The following IGF2BP1 variants were observed in gnomAD, a reference collection of about 807,000 sequenced individuals.
IGF2BP1 encodes the protein insulin-like growth factor 2 mRNA-binding protein 1.
A neutral mutation model predicts 74.9 loss-of-function variants in IGF2BP1; 11 were observed. The ratio of observed to expected loss-of-function variants is 0.15; its 90% CI spans 0.09 to 0.24. The LOEUF (loss-of-function observed/expected upper bound fraction) is 0.24. Among genes scored for constraint, IGF2BP1 ranks in the 10% least tolerant of loss-of-function variants. The probability of loss-of-function intolerance (pLI) is 1.00; values close to 1 mark genes in which losing one functional copy is unlikely to be tolerated. For missense variants in IGF2BP1, 440 were observed against 757.4 expected (o/e 0.58, Z 4.92); for synonymous variants, 287 against 281.8 (o/e 1.02, Z -0.18).
chr17:49,016,937 C>A (rs1457293610), intron 2 of IGF2BP1, among the ~76,000 whole-genome samples: 1 of 151,146 alleles, frequency 6.6e-6, no homozygotes, highest in Non-Finnish European at 1.5e-5. Context: ...TTCTCAGCTA[C>A]TGCCATCCTG....
Position 49,045,997 on chromosome 17 carries a change from G to A in IGF2BP1, c.1503G>A (p.Arg501=). 1.2e-6 allele frequency: 2 copies of A among 1,614,166 alleles called. No individual in the cohort carries two copies. The highest frequency in any genetic ancestry group is 1.7e-6 in the Non-Finnish European group (2 of 1,180,044). The change falls in exon 13 of 15, where the codon CGG becomes CGA. Residue 501 remains arginine, a synonymous_variant. Transcript: ENST00000290341. ...HIRVPASAAG[R]VIGKGGKTVN... ...GTGTGCCAGCATCAGCAGCTGGCCG[G>A]GTCATTGGCAAAGGTGGAAAAACGG...
intron 4 of IGF2BP1, among the ~76,000 whole-genome samples, chr17:49,031,504 T>C (rs2041921291): frequency 2.0e-5 from 3 of 151,518 alleles, no homozygotes; most frequent in Non-Finnish European, 2.9e-5. Flanking sequence ...CTTTCTTCTT[T>C]TTTTTTTTTT....
At chr17:49,036,920 G>A (rs2041996369) in intron 5 of IGF2BP1, 1 of 177,002 alleles carries the variant, frequency 5.6e-6, no homozygotes, top group African/African-American at 2.4e-5. Context: ...CCTGGGCAAT[G>A]AGCAAAACTC....
Position 49,055,448 on chromosome 17 carries a change from C to G in IGF2BP1, c.*6004C>G. The G allele has an allele frequency of 5.4e-6, 2 of 371,112 alleles. No homozygotes were observed. The highest frequency in any genetic ancestry group is 9.5e-6 in the Non-Finnish European group (2 of 209,452). 23.0% of individuals were successfully genotyped at this position (371,112 alleles called of 1,614,324 possible). ...AGTCACCCCTGTCCCCCCTCCCCTGCCAATAAGCTCCCCCAGGAATAAAGG... is the reference window on the plus strand; with the variant it reads ...AGTCACCCCTGTCCCCCCTCCCCTGGCAATAAGCTCCCCCAGGAATAAAGG... On this transcript the variant is annotated 3_prime_UTR_variant, in exon 15 of 15. Transcript: ENST00000290341.
At position 49,050,162 on chromosome 17, in the gene IGF2BP1, A is replaced by G. The variant is rs2042151604; in HGVS notation, c.*718A>G. 1.3e-5 allele frequency: 2 copies of G among 152,606 alleles called. No individual in the cohort carries two copies. The highest frequency in any genetic ancestry group is 1.3e-4 in the Admixed American group (2 of 15,276). The allele number at this position is 152,606 out of a possible 1,614,324, so 9.5% of individuals were successfully genotyped here. ...TGTGGCTGATCTATGCCAGATCACC[A>G]TCTTCAAATTGGCACAACTGAAATT... On this transcript the variant is annotated 3_prime_UTR_variant, in exon 15 of 15. Transcript: ENST00000290341.
At chr17:49,002,126 A>G (rs1205109992) in intron 2 of IGF2BP1, among the ~76,000 whole-genome samples, 1 of 152,126 alleles carries the variant, frequency 6.6e-6, no homozygotes, top group African/African-American at 2.4e-5. Flanking sequence ...AGGCAGATTA[A>G]TGGTCCTTTT....
chr17:49,035,580 C>T (rs548018515), intron 5 of IGF2BP1, among the ~76,000 whole-genome samples: 2 of 152,314 alleles, frequency 1.3e-5, no homozygotes, highest in East Asian at 3.9e-4. Flanking sequence ...AGTCTCCCCA[C>T]ACACATGTGG....
chr17:49,039,903 G>A (rs959360680), intron 6 of IGF2BP1, 54 bp from the exon 7 acceptor site: 1 of 1,598,236 alleles, frequency 6.3e-7, no homozygotes, highest in Non-Finnish European at 8.5e-7. Context: ...TGGGGAGCCT[G>A]AAGTACTGGT....
At chr17:49,008,703 T>C (rs2041580368) in intron 2 of IGF2BP1, among the ~76,000 whole-genome samples, 1 of 152,212 alleles carries the variant, frequency 6.6e-6, no homozygotes, top group South Asian at 2.1e-4. Flanking sequence ...TTAGCAACTG[T>C]AGCCTGGGAG....
intron 4 of IGF2BP1, among the ~76,000 whole-genome samples, chr17:49,030,293 C>T (rs567220106): frequency 1.3e-5 from 2 of 152,166 alleles, no homozygotes; most frequent in East Asian, 3.9e-4. Context: ...AGGCATGCAC[C>T]ACCACACTTG....
At chr17:49,035,251 A>G (rs184382743) in intron 5 of IGF2BP1, among the ~76,000 whole-genome samples, 1 of 152,372 alleles carries the variant, frequency 6.6e-6, no homozygotes, top group Admixed American at 6.5e-5. Flanking sequence ...TCCACATGAC[A>G]AAAGATGAAT....
At chr17:49,008,741 T>C (rs1567810308) in intron 2 of IGF2BP1, among the ~76,000 whole-genome samples, 1 of 152,176 alleles carries the variant, frequency 6.6e-6, no homozygotes, top group Non-Finnish European at 1.5e-5. Context: ...CCTCAGTCAC[T>C]GGCTGTTTGA....
chr17:49,032,265 G>A (rs1346141227), intron 5 of IGF2BP1, among the ~76,000 whole-genome samples: 2 of 152,288 alleles, frequency 1.3e-5, no homozygotes, highest in African/African-American at 4.8e-5. Context: ...GAAATCCCTT[G>A]CAGAGAAAAT....
intron 5 of IGF2BP1, 32 bp from the exon 6 acceptor site, chr17:49,038,136 G>A: frequency 6.9e-7 from 1 of 1,445,036 alleles, no homozygotes; most frequent in Non-Finnish European, 9.1e-7. Context: ...GCATGGATTG[G>A]AATGACCTGT....
At chr17:49,013,446 A>AG (rs1269638240) in intron 2 of IGF2BP1, 2 of 152,268 alleles carry the variant, frequency 1.3e-5, no homozygotes, top group Non-Finnish European at 2.9e-5. Context: ...CCCGCGGCCC[A>AG]GCCAAGGTCT....
intron 13 of IGF2BP1, 99 bp from the exon 14 acceptor site, chr17:49,046,161 A>T: frequency 6.9e-7 from 1 of 1,444,734 alleles, no homozygotes. Context: ...TCAGGTCCTG[A>T]CTCTTCCAGG....
chr17:49,027,033 G>T (rs574220100), intron 4 of IGF2BP1, among the ~76,000 whole-genome samples: 3 of 152,304 alleles, frequency 2.0e-5, no homozygotes, highest in Non-Finnish European at 4.4e-5. Context: ...GAGCCATTGC[G>T]CCCGGCCTCT....
chr17:49,027,446 A>G (rs1014972598), intron 4 of IGF2BP1, among the ~76,000 whole-genome samples: 1 of 152,228 alleles, frequency 6.6e-6, no homozygotes, highest in African/African-American at 2.4e-5. Flanking sequence ...TCTTTGGTCA[A>G]TTAAAATAAA....
Position 49,046,441 on chromosome 17 carries a change from A to C in IGF2BP1, c.1641+68A>C, listed in dbSNP as rs575679658. ...CAGGGAGCAGAGAAGCAGAGACTCT[A>C]TAGAGGTTGACCTTCATGACGTTGA... is the stretch of plus-strand genomic sequence containing the variant. On this transcript the variant is annotated intron_variant, in intron 14 of 14. Transcript: ENST00000290341. 133 of 1,202,556 alleles carry C rather than the reference A, an allele frequency of 1.1e-4. No homozygotes were observed. In the African/African-American group the frequency reaches 1.9e-3, roughly 17 times the overall value. 74.5% of individuals were successfully genotyped at this position (1,202,556 alleles called of 1,614,324 possible). A position where few individuals can be genotyped will look rare whatever the true frequency, so the allele number is the denominator to read the frequency against.
Sources: gnomAD v4.1 joint callset for allele counts (sites outside exome capture counted in the v4.1 genomes callset) on GRCh38, gnomAD v4.1.1 for gene constraint, MANE v1.5 for transcripts, NCBI Gene and HGNC (gene_info 2026-07-23, HGNC 2026-07-21) for gene names.